Variants in SASH1 observed in about 807,000 individuals in gnomAD.
The protein encoded by SASH1 is SAM and SH3 domain-containing protein 1.
Under a neutral mutation model 125.2 loss-of-function variants are expected in SASH1, and 44 were observed. That is an observed-to-expected ratio of 0.35 (90% CI 0.28 to 0.45). The LOEUF (loss-of-function observed/expected upper bound fraction) is 0.45, where lower values mean the gene tolerates loss of function less well. Ranked by LOEUF, SASH1 falls within the 20% of genes least tolerant of loss-of-function variation. SASH1 has a pLI of 1.00. For missense variants in SASH1, 1,426 were observed against 1,614.5 expected (o/e 0.88, Z 2.00); for synonymous variants, 639 against 649.1 (o/e 0.98, Z 0.24).
chr6:148,421,130 GAAGGAAGGAAGGAAGGAAGAAAGAAAGA>G (rs1785045829), intron 2 of SASH1, among the ~76,000 whole-genome samples: 1 of 58,100 alleles, frequency 1.7e-5, no homozygotes. Flanking sequence ...AGGAAGAAAG[GAAGGAAGGAAGGAAGGAAGAAAGAAAGA>G]AAGAAAGAAA....
At chr6:148,463,687 A>G (rs1244555047) in intron 4 of SASH1, among the ~76,000 whole-genome samples, 3 of 152,002 alleles carry the variant, frequency 2.0e-5, no homozygotes, top group African/African-American at 7.3e-5. Context: ...CTGCAGCTCT[A>G]GACTCACATG....
rs1554245330 is a variant in SASH1 at position 148,368,770 on chromosome 6, G to GCGCACACACACACACACA, written c.157-21363_157-21362insGCACACACACACACACAC. Among the ~76,000 whole-genome samples, 724 of 135,726 alleles carry GCGCACACACACACACACA rather than the reference G, an allele frequency of 5.3e-3. 3 individuals are homozygous for GCGCACACACACACACACA. Among genetic ancestry groups the GCGCACACACACACACACA allele is most frequent in the South Asian group, 0.024 (91 of 3,854 alleles). The allele number at this position is 135,726 out of a possible 152,430, so 89.0% of individuals were successfully genotyped here. ...CCCCCACATGCGCGCGCACGCGCGC[G>GCGCACACACACACACACA]CACACACACACACACACACACACAC... On this transcript the variant is annotated intron_variant, in intron 1 of 19. Transcript: ENST00000367467.
chr6:148,249,504 G>A, the SASH1 span, among the ~76,000 whole-genome samples: 2 of 152,230 alleles, frequency 1.3e-5, no homozygotes, highest in African/African-American at 4.8e-5. Context: ...AAGGTACACT[G>A]AGAAAAGCAT....
chr6:148,384,585 A>T (rs996911566), intron 1 of SASH1, among the ~76,000 whole-genome samples: 1 of 152,212 alleles, frequency 6.6e-6, no homozygotes, highest in Admixed American at 6.5e-5. Context: ...CCTCATCTAC[A>T]TTATTTAAAT....
intron 4 of SASH1, among the ~76,000 whole-genome samples, chr6:148,441,695 G>C (rs1034248051): frequency 5.9e-5 from 9 of 152,154 alleles, no homozygotes; most frequent in African/African-American, 2.2e-4. Context: ...CAGAATCTCT[G>C]AATCCTTCAG....
chr6:148,517,805 C>T (rs1780530192), intron 9 of SASH1, among the ~76,000 whole-genome samples: 1 of 152,170 alleles, frequency 6.6e-6, no homozygotes, highest in Non-Finnish European at 1.5e-5. Context: ...AGCACAGAGC[C>T]CAGAAAATGT....
chr6:148,431,079 C>T (rs1431703709), intron 2 of SASH1, among the ~76,000 whole-genome samples: 1 of 152,218 alleles, frequency 6.6e-6, no homozygotes, highest in Admixed American at 6.5e-5. Context: ...GCCCAGGTAG[C>T]TGTGAGGCGA....
rs1582971298 is a variant in SASH1 at position 148,327,951 on chromosome 6, A to AAAG, written n.74+55576_74+55577insGAA. On this transcript the variant is annotated intron_variant and non_coding_transcript_variant, in intron 1 of 3. Coordinates refer to the SASH1 transcript ENST00000367469. ...GCAAGACTCTGTCTAAAAAAAAAAA[A>AAAG]AAAAAGAAAAAGAAAAAGAAAAAAG... 4.7e-5 allele frequency among the ~76,000 whole-genome samples: 7 copies of AAAG among 148,300 alleles called. No individual in the cohort carries two copies. In the East Asian group the frequency reaches 8.7e-4, roughly 18 times the overall value.
intron 4 of SASH1, among the ~76,000 whole-genome samples, chr6:148,448,113 A>AGTGT (rs113367122): frequency 0.013 from 1,686 of 133,252 alleles, 15 homozygotes; most frequent in South Asian, 0.028. Flanking sequence ...TGCAGTGGAG[A>AGTGT]GAGTGTGTGT....
chr6:148,444,979 T>C (rs924098488), intron 4 of SASH1, among the ~76,000 whole-genome samples: 4 of 152,190 alleles, frequency 2.6e-5, no homozygotes, highest in Admixed American at 1.3e-4. Flanking sequence ...CATCCCTCCC[T>C]TTTTAGACCA....
the SASH1 span, among the ~76,000 whole-genome samples, chr6:148,210,253 C>A: frequency 6.6e-6 from 1 of 152,210 alleles, no homozygotes; most frequent in African/African-American, 2.4e-5. Flanking sequence ...ACAGACCAGG[C>A]ATGGTGGCTC....
At position 148,543,854 on chromosome 6, in the gene SASH1, C is replaced by G. The variant is rs377092336; in HGVS notation, c.2384C>G (p.Thr795Arg). The G allele has an allele frequency of 2.5e-6, 4 of 1,614,054 alleles. No individual in the cohort carries two copies. The highest frequency in any genetic ancestry group is 3.4e-6 in the Non-Finnish European group (4 of 1,180,034). ...CTGGGTGGTGGCCTTGCCCCAGACA[C>G]GTCCAAGAGCTGTGACCCACCTGGT... ...GRLGGGLAPD[T>R]SKSCDPPGVT... is the part of the protein sequence containing the mutation. Residue 795 changes from threonine (T) to arginine (R), a missense_variant, in exon 18 of 20, where the codon ACG becomes AGG. By Grantham distance (71) the Thr-to-Arg change is moderately conservative. This residue lies in a region of SASH1 where 634 missense variants were observed against 694.4 expected (regional missense o/e 0.91). Transcript: ENST00000367467.
At chr6:148,281,873 G>C in intron 1 of SASH1, among the ~76,000 whole-genome samples, 1 of 150,482 alleles carries the variant, frequency 6.6e-6, no homozygotes, top group Non-Finnish European at 1.5e-5. Context: ...AGTGAGCCAA[G>C]ATTGCACCAC....
rs1554245330 is a variant in SASH1, at chr6:148,368,770, G to GCGCGCACACACACACACA, written c.157-21363_157-21362insGCGCACACACACACACAC. ...CCCCCACATGCGCGCGCACGCGCGC[G>GCGCGCACACACACACACA]CACACACACACACACACACACACAC... is the stretch of plus-strand genomic sequence containing the variant. On this transcript the variant is annotated intron_variant, in intron 1 of 19. Coordinates refer to ENST00000367467, the MANE Select transcript of SASH1 (RefSeq NM_015278.5). Among the ~76,000 whole-genome samples, 136 of 135,732 alleles carry GCGCGCACACACACACACA rather than the reference G, an allele frequency of 1.0e-3. 1 individual carries two copies. Among genetic ancestry groups the GCGCGCACACACACACACA allele is most frequent in the Middle Eastern group, 3.7e-3 (1 of 268 alleles). The allele number at this position is 135,732 out of a possible 152,430, so 89.0% of individuals were successfully genotyped here. A position where few individuals can be genotyped will look rare whatever the true frequency, so the allele number is the denominator to read the frequency against.
intron 1 of SASH1, among the ~76,000 whole-genome samples, chr6:148,382,329 A>G (rs577239059): frequency 1.3e-5 from 2 of 151,922 alleles, no homozygotes; most frequent in Non-Finnish European, 2.9e-5. Context: ...TCGCTCTGTC[A>G]CCCAGGCTGG....
intron 9 of SASH1, among the ~76,000 whole-genome samples, chr6:148,516,193 G>GGAA (rs1265850992): frequency 1.4e-4 from 22 of 152,228 alleles, no homozygotes; most frequent in Admixed American, 1.4e-3. Flanking sequence ...CTTCACAGAT[G>GGAA]GAAGATGGAT....
intron 1 of SASH1, among the ~76,000 whole-genome samples, chr6:148,279,285 C>G (rs1469974923): frequency 2.0e-5 from 3 of 152,160 alleles, no homozygotes; most frequent in Non-Finnish European, 2.9e-5. Flanking sequence ...ACCACCGCAC[C>G]CAGCCAAGCA....
intron 2 of SASH1, among the ~76,000 whole-genome samples, chr6:148,401,523 T>TCTAA (rs1268381551): frequency 2.6e-5 from 4 of 152,182 alleles, no homozygotes; most frequent in Non-Finnish European, 5.9e-5. Flanking sequence ...GTATTAAGAA[T>TCTAA]CTAAGTTCAG....
At chr6:148,332,496 G>A (rs1781025030) in intron 1 of SASH1, among the ~76,000 whole-genome samples, 1 of 151,852 alleles carries the variant, frequency 6.6e-6, no homozygotes, top group Admixed American at 6.6e-5. Context: ...ATGAATCTGT[G>A]TTCCTAAAAC....
Sources: gnomAD v4.1 joint callset for allele counts (sites outside exome capture counted in the v4.1 genomes callset) on GRCh38, gnomAD v4.1.1 for gene constraint, gnomAD v4.1.1 regional missense constraint, MANE v1.5 for transcripts, NCBI Gene and HGNC (gene_info 2026-07-23, HGNC 2026-07-21) for gene names.